The following PDE4B variants were observed in gnomAD, a reference collection of about 807,000 sequenced individuals.
PDE4B encodes the protein phosphodiesterase 4B, also known as 3',5'-cyclic-AMP phosphodiesterase 4B.
A neutral mutation model predicts 82.2 loss-of-function variants in PDE4B; 20 were observed. The observed-to-expected ratio is 0.24, with a 90% CI of 0.17 to 0.35. PDE4B has a LOEUF of 0.35. Among genes scored for constraint, PDE4B ranks in the 10% least tolerant of loss-of-function variants. PDE4B has a pLI of 1.00. For missense variants in PDE4B, 655 were observed against 907.2 expected, an observed-to-expected ratio of 0.72 and a Z score of 3.57; for synonymous variants, 320 against 318.9, an observed-to-expected ratio of 1.00 and a Z score of -0.04.
chr1:66,274,341 T>TTA (rs1553165377), intron 7 of PDE4B, among the ~76,000 whole-genome samples: 1 of 130,146 alleles, frequency 7.7e-6, no homozygotes, highest in Non-Finnish European at 1.8e-5. Context: ...TTTTTTTTTT[T>TTA]TATATATTTT....
chr1:65,890,147 TC>T (rs1455601869), intron 1 of PDE4B, among the ~76,000 whole-genome samples: 6 of 151,730 alleles, frequency 4.0e-5, no homozygotes, highest in Non-Finnish European at 8.8e-5. Context: ...TTTTTTTTTT[TC>T]CTAACTGGCA....
In PDE4B at chr1:65,956,666, G is replaced by A. The variant is rs75354690; in HGVS notation, c.281+37831G>A. Among the ~76,000 whole-genome samples, 15 of 152,234 alleles carry A rather than the reference G, an allele frequency of 9.9e-5. No individual in the cohort carries two copies. The East Asian group carries it at 2.5e-3, about 25-fold the overall frequency. On this transcript the variant is annotated intron_variant, in intron 3 of 16. Transcript: ENST00000341517. The stretch of plus-strand genomic sequence containing the variant: ...GTGAATAGTAAATGAGAGAAATGAG[G>A]TGGAGCTTGAAATAATCCTGCCACC...
intron 1 of PDE4B, among the ~76,000 whole-genome samples, chr1:65,868,841 A>T (rs184887879): frequency 7.9e-5 from 12 of 152,272 alleles, no homozygotes; most frequent in Admixed American, 2.0e-4. Context: ...CATGCGAGGG[A>T]TCTAGGTTGC....
At chr1:66,302,824 T>A (rs573234191) in intron 7 of PDE4B, among the ~76,000 whole-genome samples, 12 of 152,298 alleles carry the variant, frequency 7.9e-5, no homozygotes, top group African/African-American at 2.6e-4. Context: ...TATAAAACAC[T>A]GTCAACATAG....
intron 7 of PDE4B, among the ~76,000 whole-genome samples, chr1:66,307,094 G>A (rs1456209290): frequency 6.6e-6 from 1 of 151,994 alleles, no homozygotes; most frequent in African/African-American, 2.4e-5. Context: ...AGGCCATTGG[G>A]ATGAGAGAGA....
At chr1:66,253,681 A>T (rs1653963435) in intron 4 of PDE4B, among the ~76,000 whole-genome samples, 1 of 152,248 alleles carries the variant, frequency 6.6e-6, no homozygotes, top group Non-Finnish European at 1.5e-5. Context: ...ATGATTTTTA[A>T]AAATTTATAA....
chr1:66,202,002 C>G (rs892303252), intron 3 of PDE4B, among the ~76,000 whole-genome samples: 16 of 152,332 alleles, frequency 1.1e-4, no homozygotes, highest in African/African-American at 2.6e-4. Flanking sequence ...AAATTTCCCT[C>G]TACACACTGC....
At chr1:66,082,939 G>A (rs1396506768) in intron 3 of PDE4B, among the ~76,000 whole-genome samples, 1 of 152,030 alleles carries the variant, frequency 6.6e-6, no homozygotes, top group African/African-American at 2.4e-5. Context: ...CAATTACTAT[G>A]ATTAGGCTTG....
At chr1:66,191,102 C>A (rs1448468027) in intron 3 of PDE4B, among the ~76,000 whole-genome samples, 2 of 152,134 alleles carry the variant, frequency 1.3e-5, no homozygotes, top group Non-Finnish European at 2.9e-5. Flanking sequence ...TTGGACCTTA[C>A]CTTACCATAT....
intron 3 of PDE4B, among the ~76,000 whole-genome samples, chr1:66,192,311 T>A (rs772673841): frequency 1.3e-5 from 2 of 152,128 alleles, no homozygotes; most frequent in Non-Finnish European, 2.9e-5. Context: ...AATTTTAATT[T>A]AAAAAAACCA....
chr1:65,968,681 G>T (rs1649978693), intron 3 of PDE4B, among the ~76,000 whole-genome samples: 1 of 152,006 alleles, frequency 6.6e-6, no homozygotes, highest in South Asian at 2.1e-4. Flanking sequence ...ACACAAATTT[G>T]GTGTTTTCTA....
At chr1:65,882,174 A>G (rs1407097664) in intron 1 of PDE4B, among the ~76,000 whole-genome samples, 1 of 152,156 alleles carries the variant, frequency 6.6e-6, no homozygotes, top group Non-Finnish European at 1.5e-5. Context: ...CAGAAATTTG[A>G]AGTTCTTCTG....
At chr1:65,832,456 A>G (rs1040158448) in intron 1 of PDE4B, among the ~76,000 whole-genome samples, 3 of 152,226 alleles carry the variant, frequency 2.0e-5, no homozygotes, top group African/African-American at 4.8e-5. Context: ...AGATAAACAT[A>G]TGACTCTAAT....
chr1:65,932,131 G>A (rs189359430), intron 3 of PDE4B, among the ~76,000 whole-genome samples: 19 of 151,866 alleles, frequency 1.3e-4, no homozygotes, highest in African/African-American at 4.1e-4. Context: ...GGTACTTATG[G>A]GACCTGGCAT....
chr1:66,335,875 A>C (rs962664142), intron 8 of PDE4B, among the ~76,000 whole-genome samples: 1 of 152,142 alleles, frequency 6.6e-6, no homozygotes, highest in African/African-American at 2.4e-5. Context: ...ATTGTTCATT[A>C]ATTTTGTGTT....
intron 3 of PDE4B, among the ~76,000 whole-genome samples, chr1:65,986,271 T>C (rs1650948948): frequency 1.3e-5 from 2 of 151,936 alleles, no homozygotes; most frequent in Admixed American, 1.3e-4. Context: ...AGGAGACAAA[T>C]GAAAAAAAGT....
intron 3 of PDE4B, among the ~76,000 whole-genome samples, chr1:66,212,431 G>A (rs6697671): frequency 6.6e-5 from 10 of 151,922 alleles, no homozygotes; most frequent in Non-Finnish European, 1.0e-4. Flanking sequence ...CAATATCCAC[G>A]TGAAAACTCC....
chr1:65,889,572 T>C (rs2100380038), intron 1 of PDE4B, among the ~76,000 whole-genome samples: 1 of 151,904 alleles, frequency 6.6e-6, no homozygotes, highest in Middle Eastern at 3.4e-3. Flanking sequence ...TAATATGAAG[T>C]ATGTTTGGAA....
chr1:66,063,658 CTG>C (rs1655694948), intron 3 of PDE4B, among the ~76,000 whole-genome samples: 1 of 151,914 alleles, frequency 6.6e-6, no homozygotes, highest in South Asian at 2.1e-4. Context: ...AGTTAGGGAA[CTG>C]TTGTATCTTC....
Sources: gnomAD v4.1 joint callset for allele counts (sites outside exome capture counted in the v4.1 genomes callset) on GRCh38, gnomAD v4.1.1 for gene constraint, MANE v1.5 for transcripts, NCBI Gene and HGNC (gene_info 2026-07-23, HGNC 2026-07-21) for gene names.